Variants in PDE11A observed in about 807,000 individuals in gnomAD.
The protein encoded by PDE11A is phosphodiesterase 11A, also known as dual 3',5'-cyclic-AMP and -GMP phosphodiesterase 11A.
PDE11A carries 100 observed loss-of-function variants against 100.5 expected under a neutral mutation model. That is an observed-to-expected ratio of 1.00 (90% CI 0.85 to 1.18). The LOEUF (loss-of-function observed/expected upper bound fraction) is 1.18, where lower values mean the gene tolerates loss of function less well. Ranked by LOEUF, PDE11A falls within the 50% of genes most tolerant of loss-of-function variation. The probability of loss-of-function intolerance (pLI) is 0.00; values close to 1 mark genes in which losing one functional copy is unlikely to be tolerated. For missense variants in PDE11A, 1,141 were observed against 1,152.6 expected, an observed-to-expected ratio of 0.99 and a Z score of 0.15; for synonymous variants, 381 against 420.8, an observed-to-expected ratio of 0.91 and a Z score of 1.16.
chr2:177,909,111 A>G (rs1316328346), intron 2 of PDE11A, among the ~76,000 whole-genome samples: 1 of 152,210 alleles, frequency 6.6e-6, no homozygotes, highest in African/African-American at 2.4e-5. Flanking sequence ...TGTCACTTTC[A>G]TGAAATTTTC....
intron 2 of PDE11A, among the ~76,000 whole-genome samples, chr2:178,091,778 G>GT (rs549678700): frequency 2.2e-4 from 8 of 36,850 alleles, no homozygotes; most frequent in East Asian, 1.7e-3. Flanking sequence ...CTGTAAGTGG[G>GT]TGGGGGGGCT....
chr2:177,722,231 C>T (rs1196310709), intron 12 of PDE11A, among the ~76,000 whole-genome samples: 1 of 152,168 alleles, frequency 6.6e-6, no homozygotes, highest in South Asian at 2.1e-4. Context: ...GTTATACTTT[C>T]CCTGTAACGT....
At chr2:177,752,842 A>G (rs996455624) in intron 10 of PDE11A, among the ~76,000 whole-genome samples, 9 of 152,188 alleles carry the variant, frequency 5.9e-5, no homozygotes, top group Admixed American at 5.9e-4. Flanking sequence ...TCACTCACTA[A>G]TTTGTTAATG....
chr2:177,653,841 C>T (rs981449787), intron 19 of PDE11A, among the ~76,000 whole-genome samples: 5 of 152,310 alleles, frequency 3.3e-5, no homozygotes, highest in African/African-American at 1.2e-4. Context: ...TTTGTTACAG[C>T]AGCCCTCGGA....
At chr2:177,995,638 CA>C (rs1267298463) in intron 2 of PDE11A, among the ~76,000 whole-genome samples, 10 of 107,848 alleles carry the variant, frequency 9.3e-5, no homozygotes, top group South Asian at 3.6e-4. Flanking sequence ...AAATACTCCA[CA>C]AACACCACCC....
At position 177,809,523 on chromosome 2, in the gene PDE11A, A is replaced by T. The variant is rs199533359; in HGVS notation, c.1737+7306T>A. Among the ~76,000 whole-genome samples, 4 of 152,296 alleles carry T rather than the reference A, an allele frequency of 2.6e-5. No homozygotes were observed. The East Asian group carries it at 7.7e-4, about 29-fold the overall frequency. On this transcript the variant is annotated intron_variant, in intron 9 of 19. Coordinates refer to ENST00000286063, the MANE Select transcript of PDE11A (RefSeq NM_016953.4). ...TAAAAGCAGCTCATTACAAAAAGAA[A>T]ATGTTGGTGTCTGACACAGATGGCC...
chr2:177,720,906 T>C (rs1185373090), intron 12 of PDE11A, among the ~76,000 whole-genome samples: 5 of 152,088 alleles, frequency 3.3e-5, no homozygotes, highest in Non-Finnish European at 7.4e-5. Context: ...CATAAAACCT[T>C]AGTCATGTTT....
chr2:177,648,787 A>G (rs1456424445), intron 19 of PDE11A, among the ~76,000 whole-genome samples: 2 of 152,126 alleles, frequency 1.3e-5, no homozygotes, highest in Non-Finnish European at 2.9e-5. Flanking sequence ...TCAAATAATA[A>G]GGAAAGAGTT....
At chr2:177,994,247 G>A (rs1417067400) in intron 2 of PDE11A, among the ~76,000 whole-genome samples, 2 of 152,064 alleles carry the variant, frequency 1.3e-5, no homozygotes, top group Non-Finnish European at 2.9e-5. Context: ...TGTAAATTTT[G>A]ATGTTATCTT....
intron 2 of PDE11A, chr2:177,922,791 C>A: frequency 1.0e-6 from 1 of 984,978 alleles, no homozygotes; most frequent in Non-Finnish European, 1.2e-6. Context: ...ACACAGTGGA[C>A]TTTTCTTGAC....
intron 5 of PDE11A, among the ~76,000 whole-genome samples, chr2:177,859,645 C>T (rs1363052860): frequency 6.6e-6 from 1 of 151,742 alleles, no homozygotes; most frequent in African/African-American, 2.4e-5. Flanking sequence ...ATAGAGCACT[C>T]CACCTAATGG....
chr2:177,759,199 ACACG>A (rs977136812), intron 10 of PDE11A, among the ~76,000 whole-genome samples: 29 of 151,446 alleles, frequency 1.9e-4, no homozygotes, highest in African/African-American at 7.1e-4. Flanking sequence ...ACACACACAC[ACACG>A]CACACACAAA....
chr2:177,851,063 G>C (rs1452741282), intron 5 of PDE11A, among the ~76,000 whole-genome samples: 3 of 152,058 alleles, frequency 2.0e-5, no homozygotes, highest in Non-Finnish European at 4.4e-5. Flanking sequence ...TATAAATCAT[G>C]GTGCTATAAA....
chr2:177,708,613 C>A (rs921719658), intron 13 of PDE11A, among the ~76,000 whole-genome samples: 2 of 152,126 alleles, frequency 1.3e-5, no homozygotes, highest in Non-Finnish European at 2.9e-5. Flanking sequence ...CACATGTACC[C>A]CCAAACCTAA....
chr2:177,759,465 C>T (rs2082140420), intron 10 of PDE11A, among the ~76,000 whole-genome samples: 1 of 152,186 alleles, frequency 6.6e-6, no homozygotes, highest in Non-Finnish European at 1.5e-5. Flanking sequence ...AAGACTTTAT[C>T]ACCTGACAAG....
chr2:177,875,717 A>G, intron 5 of PDE11A, 142 bp downstream of exon 5: 1 of 692,666 alleles, frequency 1.4e-6, no homozygotes. Flanking sequence ...TTTTAATTTA[A>G]GCCCTGAAAT....
chr2:177,855,032 A>G (rs985131764), intron 5 of PDE11A, among the ~76,000 whole-genome samples: 1 of 152,102 alleles, frequency 6.6e-6, no homozygotes. Flanking sequence ...GTGCTGTTTT[A>G]ATTTTTTAAT....
chr2:177,971,766 G>A (rs190753966), intron 2 of PDE11A, among the ~76,000 whole-genome samples: 5 of 152,044 alleles, frequency 3.3e-5, no homozygotes, highest in Admixed American at 6.5e-5. Context: ...AGCAGAAAAG[G>A]GACAATAATA....
At chr2:177,974,338 C>A in intron 2 of PDE11A, among the ~76,000 whole-genome samples, 1 of 35,478 alleles carries the variant, frequency 2.8e-5, no homozygotes, top group Non-Finnish European at 4.5e-5. Flanking sequence ...AGGGTATCAG[C>A]AATGGAAGAT....
Sources: allele counts gnomAD v4.1 joint callset (sites outside exome capture counted in the v4.1 genomes callset), GRCh38; gene constraint gnomAD v4.1.1; transcripts MANE v1.5; gene names NCBI Gene and HGNC (gene_info 2026-07-23, HGNC 2026-07-21).